The following CADPS2 variants were observed in gnomAD, a reference collection of about 807,000 sequenced individuals.
The protein encoded by CADPS2 is calcium-dependent secretion activator 2.
Under a neutral mutation model 172.5 loss-of-function variants are expected in CADPS2, and 93 were observed. The ratio of observed to expected loss-of-function variants is 0.54; its 90% confidence interval spans 0.46 to 0.64. The LOEUF (loss-of-function observed/expected upper bound fraction) is 0.64, where lower values mean the gene tolerates loss of function less well. CADPS2 is among the 30% of genes least tolerant of loss of function. The pLI, the probability that CADPS2 is intolerant of heterozygous loss-of-function variation, is 0.00. For synonymous variants in CADPS2, 546 were observed against 555.2 expected, an observed-to-expected ratio of 0.98 and a Z score of 0.23; for missense variants, 1,420 against 1,565.9, an observed-to-expected ratio of 0.91 and a Z score of 1.57.
At chr7:122,423,326 C>T (rs2048760815) in intron 17 of CADPS2, among the ~76,000 whole-genome samples, 1 of 152,012 alleles carries the variant, frequency 6.6e-6, no homozygotes, top group South Asian at 2.1e-4. Flanking sequence ...ATTAAAAAAA[C>T]AACCCATTCC....
chr7:122,501,536 T>G (rs1016593174), intron 9 of CADPS2, among the ~76,000 whole-genome samples: 4 of 151,942 alleles, frequency 2.6e-5, no homozygotes, highest in African/African-American at 7.2e-5. Flanking sequence ...GAAGTAACTT[T>G]CCAAGGTCAC....
intron 1 of CADPS2, among the ~76,000 whole-genome samples, chr7:122,774,158 T>C (rs2093794474): frequency 6.6e-6 from 1 of 151,972 alleles, no homozygotes; most frequent in South Asian, 2.1e-4. Flanking sequence ...TATATATTAA[T>C]CTCTAAAAGT....
intron 25 of CADPS2, 138 bp downstream of exon 25, chr7:122,379,230 T>C: frequency 1.9e-6 from 1 of 531,698 alleles, no homozygotes; most frequent in Non-Finnish European, 3.2e-6. Flanking sequence ...GCTCCCAACT[T>C]TTCTGAAAAT....
intron 1 of CADPS2, among the ~76,000 whole-genome samples, chr7:122,775,841 T>C (rs1412091430): frequency 2.0e-5 from 3 of 152,196 alleles, no homozygotes. Flanking sequence ...TTTCACAACT[T>C]TCTTAGGAAG....
intron 2 of CADPS2, among the ~76,000 whole-genome samples, chr7:122,729,301 C>T (rs1480295193): frequency 6.6e-6 from 1 of 151,800 alleles, no homozygotes; most frequent in Non-Finnish European, 1.5e-5. Flanking sequence ...CACATCTTTG[C>T]TATTGGGAAT....
intron 15 of CADPS2, among the ~76,000 whole-genome samples, chr7:122,443,590 AT>A (rs34333754): frequency 0.23 from 32,707 of 143,498 alleles, 4,262 homozygotes; most frequent in Admixed American, 0.32. Flanking sequence ...TAAATACAGT[AT>A]TTTTTTTTTT....
chr7:122,386,159 T>C (rs1057209825), intron 24 of CADPS2: 9 of 528,366 alleles, frequency 1.7e-5, no homozygotes, highest in Non-Finnish European at 2.8e-5. Flanking sequence ...TAGCCTTATA[T>C]ATGCGAACAC....
intron 1 of CADPS2, among the ~76,000 whole-genome samples, chr7:122,745,681 A>T (rs572335190): frequency 6.7e-6 from 1 of 148,930 alleles, no homozygotes; most frequent in Non-Finnish European, 1.5e-5. Context: ...TTTTTTTTTT[A>T]AAGAATGAAT....
chr7:122,423,288 G>C (rs899220629), intron 17 of CADPS2, among the ~76,000 whole-genome samples: 1 of 152,116 alleles, frequency 6.6e-6, no homozygotes, highest in African/African-American at 2.4e-5. Context: ...CAAGATAAGA[G>C]AGTGGGAAAT....
intron 1 of CADPS2, among the ~76,000 whole-genome samples, chr7:122,853,858 T>C (rs920819326): frequency 1.3e-5 from 2 of 152,138 alleles, no homozygotes; most frequent in Non-Finnish European, 2.9e-5. Flanking sequence ...GAGGGGCATG[T>C]AGTACATGCC....
chr7:122,785,679 G>A (rs932879169), intron 1 of CADPS2, among the ~76,000 whole-genome samples: 1 of 152,072 alleles, frequency 6.6e-6, no homozygotes, highest in Non-Finnish European at 1.5e-5. Context: ...GTCCTTTCTT[G>A]GGTTTTGTGG....
At chr7:122,833,532 G>A in intron 1 of CADPS2, among the ~76,000 whole-genome samples, 1 of 149,716 alleles carries the variant, frequency 6.7e-6, no homozygotes, top group African/African-American at 2.5e-5. Context: ...ACCCAGCTTT[G>A]TTTTTTTTTG....
chr7:122,670,743 C>CTG (rs2081743840), intron 2 of CADPS2, among the ~76,000 whole-genome samples: 1 of 151,700 alleles, frequency 6.6e-6, no homozygotes, highest in East Asian at 2.0e-4. Context: ...TCAAGTGATC[C>CTG]ACCTGCCTCA....
intron 6 of CADPS2, among the ~76,000 whole-genome samples, chr7:122,591,785 T>A (rs1466800048): frequency 6.6e-6 from 1 of 152,170 alleles, no homozygotes; most frequent in Non-Finnish European, 1.5e-5. Flanking sequence ...GCTAGCCACA[T>A]GTAGAAAGCT....
intron 1 of CADPS2, among the ~76,000 whole-genome samples, chr7:122,756,846 GC>G (rs1238739820): frequency 6.6e-6 from 1 of 151,836 alleles, no homozygotes; most frequent in Non-Finnish European, 1.5e-5. Flanking sequence ...GTTGCAGTGA[GC>G]CAAGATTGCG....
intron 6 of CADPS2, among the ~76,000 whole-genome samples, chr7:122,581,693 A>ATACTAAAG (rs1312946252): frequency 2.0e-5 from 3 of 152,152 alleles, no homozygotes; most frequent in African/African-American, 7.2e-5. Flanking sequence ...TGATTTTTAT[A>ATACTAAAG]TACTAAAGAC....
At chr7:122,770,834 C>T (rs1401803786) in intron 1 of CADPS2, among the ~76,000 whole-genome samples, 1 of 152,172 alleles carries the variant, frequency 6.6e-6, no homozygotes, top group Non-Finnish European at 1.5e-5. Context: ...GCAGGGCACT[C>T]AAGCAGGTTC....
intron 25 of CADPS2, 157 bp downstream of exon 25, chr7:122,379,211 C>T (rs1437946278): frequency 2.0e-6 from 1 of 510,054 alleles, no homozygotes; most frequent in East Asian, 3.2e-5. Flanking sequence ...GTGTTCCTAA[C>T]CTTTTTTTGC....
chr7:122,505,245 T>C (rs2059525715), intron 9 of CADPS2, among the ~76,000 whole-genome samples: 1 of 152,168 alleles, frequency 6.6e-6, no homozygotes, highest in Non-Finnish European at 1.5e-5. Context: ...ACATGTGAGG[T>C]GAAATGCTTA....
Sources: allele counts gnomAD v4.1 joint callset (sites outside exome capture counted in the v4.1 genomes callset), GRCh38; gene constraint gnomAD v4.1.1; transcripts MANE v1.5; gene names NCBI Gene and HGNC (gene_info 2026-07-23, HGNC 2026-07-21).